Variants in PDZD4 observed in about 807,000 individuals in gnomAD.
The protein encoded by PDZD4 is PDZ domain containing 4, also known as PDZ domain-containing protein 4.
A neutral mutation model predicts 38.5 loss-of-function variants in PDZD4; 9 were observed. The observed-to-expected ratio is 0.23, with a 90% CI of 0.14 to 0.41. The LOEUF (loss-of-function observed/expected upper bound fraction) is 0.41, where lower values mean the gene tolerates loss of function less well. PDZD4 is among the 10% of genes least tolerant of loss of function. The probability of loss-of-function intolerance (pLI) is 1.00; values close to 1 mark genes in which losing one functional copy is unlikely to be tolerated. For synonymous variants in PDZD4, 349 were observed against 315.7 expected (o/e 1.11, Z -1.12); for missense variants, 612 against 722.0 (o/e 0.85, Z 1.75).
intron 5 of PDZD4, 94 bp from the exon 6 acceptor site, chrX:153,805,700 G>T: frequency 1.5e-6 from 1 of 647,613 alleles, no homozygotes; most frequent in Non-Finnish European, 2.5e-6. Flanking sequence ...TCTGGGCTCG[G>T]CTGGGCTAGG....
chrX:153,822,665 CTCTT>C (rs1272507425), intron 1 of PDZD4, among the ~76,000 whole-genome samples: 2 of 108,302 alleles, frequency 1.8e-5, no homozygotes, highest in African/African-American at 3.4e-5. Flanking sequence ...CTCTCTCTCT[CTCTT>C]TCTCTCTGTC....
rs967645298 is a variant in PDZD4 at position 153,824,185 on chromosome X, G to A, written c.60+6054C>T. 4.5e-5 allele frequency among the ~76,000 whole-genome samples: 5 copies of A among 111,407 alleles called. No homozygotes were observed. In the East Asian group the frequency reaches 8.4e-4, roughly 19 times the overall value. The stretch of plus-strand genomic sequence containing the variant: ...CACGAATCTGCTCTCTGGCACTATC[G>A]AATTTCATTTCAGCAGACTGGACAG... On this transcript the variant is annotated intron_variant, in intron 1 of 7. Transcript: ENST00000393758.
Position 153,803,259 on chromosome X carries a change from G to GCGCA in PDZD4, c.*90_*93dup, listed in dbSNP as rs2092185729. 7 of 673,350 alleles carry GCGCA rather than the reference G, an allele frequency of 1.0e-5. No homozygotes were observed. In the Admixed American group the frequency reaches 1.4e-4, roughly 14 times the overall value. 55.5% of individuals were successfully genotyped at this position (673,350 alleles called of 1,213,427 possible). A position where few individuals can be genotyped will look rare whatever the true frequency, so the allele number is the denominator to read the frequency against. On this transcript the variant is annotated 3_prime_UTR_variant, in exon 8 of 8. Coordinates refer to ENST00000393758, the MANE Select transcript of PDZD4 (RefSeq NM_001303512.2). ...GCGTGCGCACAGCGAGCACGCGCGCGCGCACACACACACACACACAATCTC... is the reference window on the plus strand; with the variant it reads ...GCGTGCGCACAGCGAGCACGCGCGCGCGCACGCACACACACACACACACAATCTC...
chrX:153,807,359 T>C lies in PDZD4; in HGVS notation c.325A>G (p.Ser109Gly). 8.3e-7 allele frequency: 1 copy of C among 1,206,359 alleles called. No homozygotes were observed. Among genetic ancestry groups the C allele is most frequent in the Non-Finnish European group, 1.1e-6 (1 of 892,931 alleles). Residue 109 changes from serine to glycine, a missense_variant, in exon 3 of 8, where the codon AGC becomes GGC. Physicochemically the swap from Ser to Gly is moderately conservative, Grantham distance 56. Around this residue, in one of 3 missense-constraint regions of PDZD4, gnomAD observed 225 missense variants for 311.0 expected, o/e 0.72. Transcript: ENST00000393758. Reference sequence around the variant, plus strand: ...TCCGCCGGGTCATAATACTCATGGCTGATTGGGGGGCTGCCCAGGAGAAGG... The same window carrying C: ...TCCGCCGGGTCATAATACTCATGGCCGATTGGGGGGCTGCCCAGGAGAAGG... The part of the protein sequence containing the change: ...PYVLSELPPI[S>G]HEYYDPAEFM...
intron 1 of PDZD4, among the ~76,000 whole-genome samples, chrX:153,820,648 T>C (rs1043931460): frequency 3.2e-4 from 36 of 112,425 alleles, no homozygotes; most frequent in African/African-American, 1.1e-3. Context: ...TTTTTTACTT[T>C]AATGGGAATG....
At chrX:153,828,717 A>G (rs968474979) in intron 1 of PDZD4, among the ~76,000 whole-genome samples, 1 of 112,455 alleles carries the variant, frequency 8.9e-6, no homozygotes, top group African/African-American at 3.2e-5. Context: ...TGCGACACCA[A>G]TCCTTCTCCA....
rs1485502191 is a variant in PDZD4 at position 153,830,460 on chromosome X, A to C, written c.-162T>G. 1.1e-3 allele frequency: 448 copies of C among 404,409 alleles called. No individual in the cohort carries two copies. Among genetic ancestry groups the C allele is most frequent in the Non-Finnish European group, 1.6e-3 (388 of 235,347 alleles). 33.3% of individuals were successfully genotyped at this position (404,409 alleles called of 1,213,427 possible). A position where few individuals can be genotyped will look rare whatever the true frequency, so the allele number is the denominator to read the frequency against. Reference sequence around the variant, plus strand: ...GGGGGCACGCCCCCGAGGTGGGGGCAGCGGCTCGCCCCTCAGGTTAACTCT... The same window carrying C: ...GGGGGCACGCCCCCGAGGTGGGGGCCGCGGCTCGCCCCTCAGGTTAACTCT... On this transcript the variant is annotated 5_prime_UTR_variant, in exon 1 of 8. Transcript: ENST00000393758.
At chrX:153,829,834 G>C (rs1458297932) in intron 1 of PDZD4, 9 of 766,901 alleles carry the variant, frequency 1.2e-5, no homozygotes, top group Non-Finnish European at 1.4e-5. Context: ...GACCGCGCCC[G>C]GGGACGCCCA....
At position 153,808,589 on chromosome X, in the gene PDZD4, C is replaced by T. The variant is rs782117561; in HGVS notation, c.67G>A (p.Gly23Arg). Residue 23 changes from glycine (G) to arginine (R), a missense_variant, in exon 2 of 8, where the codon GGG becomes AGG. Gly to Arg is a moderately radical substitution (Grantham distance 125, BLOSUM62 -2). This residue lies in a region of PDZD4 where 225 missense variants were observed against 311.0 expected (regional missense o/e 0.72). Transcript: ENST00000393758. Reference sequence around the variant, plus strand: ...TGAGACAGCTTGGAGAGCTCCTTCCCGTTCACCTGCGGCAGAGACACGCCT... The same window carrying T: ...TGAGACAGCTTGGAGAGCTCCTTCCTGTTCACCTGCGGCAGAGACACGCCT... The part of the protein sequence containing the change: ...EQYKVMLQVN[G>R]KELSKLSQEQ... 9 of 1,160,534 alleles carry T rather than the reference C, an allele frequency of 7.8e-6. No individual in the cohort carries two copies. In the South Asian group the frequency reaches 8.2e-5, roughly 11 times the overall value.
Position 153,808,567 on chromosome X carries a change from G to C in PDZD4, c.89C>G (p.Ser30Cys), listed in dbSNP as rs782063000. ...CAGGGCCTGCAGAGTTTGCTCCTGAGACAGCTTGGAGAGCTCCTTCCCGTT... is the reference window on the plus strand; with the variant it reads ...CAGGGCCTGCAGAGTTTGCTCCTGACACAGCTTGGAGAGCTCCTTCCCGTT... ...QVNGKELSKL[S>C]QEQTLQALRS... Residue 30 changes from serine to cysteine, a missense_variant, in exon 2 of 8, where the codon TCT becomes TGT. Around this residue, in one of 3 missense-constraint regions of PDZD4, gnomAD observed 225 missense variants for 311.0 expected, o/e 0.72. Coordinates refer to ENST00000393758, the MANE Select transcript of PDZD4 (RefSeq NM_001303512.2). 1 of 1,186,991 alleles carries C rather than the reference G, an allele frequency of 8.4e-7. No individual in the cohort carries two copies. The highest frequency in any genetic ancestry group is 1.1e-6 in the Non-Finnish European group (1 of 883,472).
Position 153,803,280 on chromosome X carries a change from A to G in PDZD4, c.*73T>C. ...GCGCGCGCACACACACACACACACA[A>G]TCTCTATAGGAGAGTGAGGGCCGGG... On this transcript the variant is annotated 3_prime_UTR_variant, in exon 8 of 8. Coordinates refer to ENST00000393758, the MANE Select transcript of PDZD4 (RefSeq NM_001303512.2). 2 of 863,879 alleles carry G rather than the reference A, an allele frequency of 2.3e-6. No homozygotes were observed. Among genetic ancestry groups the G allele is most frequent in the Admixed American group, 8.3e-5 (2 of 24,006 alleles). The allele number at this position is 863,879 out of a possible 1,213,427, so 71.2% of individuals were successfully genotyped here.
chrX:153,825,136 A>G (rs921303287), intron 1 of PDZD4, among the ~76,000 whole-genome samples: 16 of 112,782 alleles, frequency 1.4e-4, no homozygotes, highest in Non-Finnish European at 1.7e-4. Context: ...GCTTTAGGCA[A>G]GAATGCCTGG....
intron 1 of PDZD4, among the ~76,000 whole-genome samples, chrX:153,814,473 A>ACCCCCCCCCCCCCCCCC (rs782572040): frequency 7.4e-5 from 3 of 40,361 alleles, no homozygotes; most frequent in African/African-American, 9.7e-5. Flanking sequence ...GACTCCATCC[A>ACCCCCCCCCCCCCCCCC]CCCCCCACCC....
At chrX:153,807,615 G>C (rs1347614040) in intron 2 of PDZD4, among the ~76,000 whole-genome samples, 2 of 98,194 alleles carry the variant, frequency 2.0e-5, no homozygotes, top group Non-Finnish European at 4.1e-5. Flanking sequence ...CATGCCTCTA[G>C]CGTTCCCGTC....
intron 1 of PDZD4, among the ~76,000 whole-genome samples, chrX:153,817,608 C>A (rs1037907462): frequency 1.4e-4 from 16 of 112,022 alleles, no homozygotes; most frequent in Non-Finnish European, 1.1e-4. Context: ...TGTTCTGGAA[C>A]TAGACAGTGG....
In PDZD4 at chrX:153,804,065, T is replaced by C; in HGVS notation, c.1616A>G (p.Asp539Gly). 1 of 1,158,560 alleles carries C rather than the reference T, an allele frequency of 8.6e-7. No homozygotes were observed. Among genetic ancestry groups the C allele is most frequent in the Non-Finnish European group, 1.1e-6 (1 of 871,809 alleles). The part of the protein sequence containing the change: ...SPAKFRSLSR[D>G]PEAGRRQHAE... ...GTGCTGCCTCCGGCCGGCCTCAGGA[T>C]CCCGGGAGAGGGACCGGAACTTGGC... Residue 539 changes from aspartate (D) to glycine (G), a missense_variant, in exon 8 of 8, where the codon GAT (aspartate) becomes GGT (glycine). Physicochemically the swap from Asp to Gly is moderately conservative, Grantham distance 94. This residue lies in a region of PDZD4 where 300 missense variants were observed against 284.6 expected (regional missense o/e 1.05). Coordinates refer to ENST00000393758, the MANE Select transcript of PDZD4 (RefSeq NM_001303512.2).
intron 1 of PDZD4, chrX:153,829,998 C>T: frequency 2.7e-6 from 2 of 735,977 alleles, no homozygotes; most frequent in Non-Finnish European, 3.5e-6. Context: ...GCCCGCCGCA[C>T]CGCGCCTCCC....
intron 1 of PDZD4, among the ~76,000 whole-genome samples, chrX:153,813,013 C>T (rs949527889): frequency 9.1e-6 from 1 of 110,345 alleles, no homozygotes; most frequent in Non-Finnish European, 1.9e-5. Context: ...GGGAGCTCGC[C>T]CCACCAAGAC....
At chrX:153,827,868 G>C (rs1486868796) in intron 1 of PDZD4, among the ~76,000 whole-genome samples, 3 of 112,128 alleles carry the variant, frequency 2.7e-5, no homozygotes, top group Non-Finnish European at 5.6e-5. Flanking sequence ...GCTCAATACA[G>C]CTGTAATTTT....
Sources: allele counts gnomAD v4.1 joint callset (sites outside exome capture counted in the v4.1 genomes callset), GRCh38; gene constraint gnomAD v4.1.1; regional missense constraint gnomAD v4.1.1; transcripts MANE v1.5; gene names NCBI Gene and HGNC (gene_info 2026-07-23, HGNC 2026-07-21).